Variants in SCHIP1 observed in about 807,000 individuals in gnomAD.
SCHIP1 encodes the protein schwannomin-interacting protein 1.
In SCHIP1, 8 loss-of-function variants were observed where a neutral mutation model predicts 29.7. The ratio of observed to expected loss-of-function variants is 0.27; its 90% confidence interval spans 0.16 to 0.49. The LOEUF (loss-of-function observed/expected upper bound fraction) is 0.49, where lower values mean the gene tolerates loss of function less well. Ranked by LOEUF, SCHIP1 falls within the 20% of genes least tolerant of loss-of-function variation. SCHIP1 has a pLI of 0.99. For missense variants in SCHIP1, 193 were observed against 294.6 expected, an observed-to-expected ratio of 0.66 and a Z score of 2.52; for synonymous variants, 76 against 94.9, an observed-to-expected ratio of 0.80 and a Z score of 1.16.
chr3:159,832,064 T>C, the SCHIP1 span, among the ~76,000 whole-genome samples: 1 of 152,168 alleles, frequency 6.6e-6, no homozygotes, highest in Non-Finnish European at 1.5e-5. Flanking sequence ...TGTCAAATAA[T>C]ACAACAAAGC....
At chr3:159,640,788 T>A in the SCHIP1 span, among the ~76,000 whole-genome samples, 1 of 152,144 alleles carries the variant, frequency 6.6e-6, no homozygotes, top group Non-Finnish European at 1.5e-5. Flanking sequence ...CCACACTGCA[T>A]GCCACCATGG....
chr3:159,669,048 A>T, the SCHIP1 span, among the ~76,000 whole-genome samples: 1 of 152,174 alleles, frequency 6.6e-6, no homozygotes. Context: ...TCATTTAAGG[A>T]AGGGCTGCAT....
chr3:159,576,929 GAGA>G, the SCHIP1 span, among the ~76,000 whole-genome samples: 1 of 152,218 alleles, frequency 6.6e-6, no homozygotes, highest in East Asian at 1.9e-4. Context: ...ATAAACATTG[GAGA>G]AGGTGTTTCT....
chr3:159,276,569 G>C, the SCHIP1 span, among the ~76,000 whole-genome samples: 1 of 152,070 alleles, frequency 6.6e-6, no homozygotes, highest in African/African-American at 2.4e-5. Flanking sequence ...TTATTTGCAA[G>C]GTACATTCCT....
At chr3:159,500,732 A>G in the SCHIP1 span, among the ~76,000 whole-genome samples, 1 of 151,852 alleles carries the variant, frequency 6.6e-6, no homozygotes, top group Non-Finnish European at 1.5e-5. Context: ...AAAAGAAAAA[A>G]GAGACCAAAA....
At chr3:159,878,188 C>A (rs1716035278) in intron 2 of SCHIP1, among the ~76,000 whole-genome samples, 2 of 152,200 alleles carry the variant, frequency 1.3e-5, no homozygotes, top group Non-Finnish European at 2.9e-5. Context: ...TTTTTAAATT[C>A]TTGCCAAGGC....
the SCHIP1 span, among the ~76,000 whole-genome samples, chr3:159,379,291 G>A: frequency 0.016 from 2,482 of 151,352 alleles, 58 homozygotes; most frequent in African/African-American, 0.057. Context: ...GCACGATCTT[G>A]GCTCACTACA....
chr3:159,764,038 T>G, the SCHIP1 span: 89 of 161,220 alleles, frequency 5.5e-4, no homozygotes, highest in African/African-American at 1.9e-3. This position sits in a 1 kb window ranked among gnomAD's most constrained non-coding sequence, Gnocchi z 6.1. Flanking sequence ...CCCACCCCCT[T>G]CTCAGTTCCC....
the SCHIP1 span, among the ~76,000 whole-genome samples, chr3:159,513,864 T>C: frequency 6.6e-6 from 1 of 152,188 alleles, no homozygotes; most frequent in South Asian, 2.1e-4. Flanking sequence ...AAGGCACTAA[T>C]TGTAACTGTC....
At chr3:159,694,893 G>GT in the SCHIP1 span, among the ~76,000 whole-genome samples, 1 of 152,172 alleles carries the variant, frequency 6.6e-6, no homozygotes, top group Non-Finnish European at 1.5e-5. Flanking sequence ...TGGGCTCAAC[G>GT]TATCTATCAT....
chr3:159,305,486 C>T, the SCHIP1 span, among the ~76,000 whole-genome samples: 1 of 152,300 alleles, frequency 6.6e-6, no homozygotes, highest in East Asian at 1.9e-4. Context: ...AAGTATTGCT[C>T]CTTTTTCTGT....
chr3:159,468,774 T>TA, the SCHIP1 span, among the ~76,000 whole-genome samples: 1 of 127,650 alleles, frequency 7.8e-6, no homozygotes, highest in Non-Finnish European at 1.6e-5. Context: ...TATATATATA[T>TA]ATATTTTTTT....
chr3:159,565,485 T>C, the SCHIP1 span, among the ~76,000 whole-genome samples: 1 of 152,230 alleles, frequency 6.6e-6, no homozygotes, highest in Admixed American at 6.5e-5. Context: ...CCATCCCTGT[T>C]TCTATTTCCT....
At chr3:159,617,563 A>G in the SCHIP1 span, among the ~76,000 whole-genome samples, 3 of 152,152 alleles carry the variant, frequency 2.0e-5, no homozygotes, top group Non-Finnish European at 1.5e-5. Context: ...CTGAGAGACT[A>G]CCTGGGAGAT....
At chr3:159,309,119 C>T in the SCHIP1 span, 2,451 of 171,422 alleles carry the variant, frequency 0.014, 83 homozygotes, top group African/African-American at 0.057. Context: ...CACATGTACC[C>T]TCTCTATCTA....
At chr3:159,507,947 G>A in the SCHIP1 span, among the ~76,000 whole-genome samples, 1 of 152,120 alleles carries the variant, frequency 6.6e-6, no homozygotes, top group East Asian at 1.9e-4. Context: ...TTGTGTCTCT[G>A]CCAGGCTTTG....
the SCHIP1 span, among the ~76,000 whole-genome samples, chr3:159,561,838 A>G: frequency 6.6e-6 from 1 of 152,200 alleles, no homozygotes; most frequent in Admixed American, 6.5e-5. Context: ...CTGGAGCAAT[A>G]GAATTCTGCC....
At chr3:159,628,630 A>G in the SCHIP1 span, among the ~76,000 whole-genome samples, 1 of 152,328 alleles carries the variant, frequency 6.6e-6, no homozygotes, top group East Asian at 1.9e-4. Flanking sequence ...TTGAAAGTAA[A>G]AGATGTATGA....
the SCHIP1 span, among the ~76,000 whole-genome samples, chr3:159,445,863 C>G: frequency 9.2e-6 from 1 of 108,598 alleles, no homozygotes; most frequent in East Asian, 2.7e-4. Flanking sequence ...ACATCACACT[C>G]TGGGGACTGT....
Sources: gnomAD v4.1 joint callset for allele counts (sites outside exome capture counted in the v4.1 genomes callset) on GRCh38, gnomAD v4.1.1 for gene constraint, Gnocchi (gnomAD v3.1) non-coding constraint, MANE v1.5 for transcripts, NCBI Gene and HGNC (gene_info 2026-07-23, HGNC 2026-07-21) for gene names.